The following METTL6 variants were observed in gnomAD, a reference collection of about 807,000 sequenced individuals.
METTL6 encodes the protein methyltransferase 6, tRNA N3-cytidine.
In METTL6, 22 loss-of-function variants were observed where a neutral mutation model predicts 26.4. The observed-to-expected ratio is 0.83, with a 90% confidence interval of 0.59 to 1.19. METTL6 has a LOEUF of 1.19. Among genes scored for constraint, METTL6 ranks in the 50% most tolerant of loss-of-function variants. The probability of loss-of-function intolerance (pLI) is 0.00; values close to 1 mark genes in which losing one functional copy is unlikely to be tolerated. For missense variants in METTL6, 304 were observed against 324.8 expected, an observed-to-expected ratio of 0.94 and a Z score of 0.49; for synonymous variants, 109 against 116.2, an observed-to-expected ratio of 0.94 and a Z score of 0.40.
exon 7 of METTL6, chr3:15,384,088 C>A (rs1575378198): frequency 5.0e-6 from 2 of 397,562 alleles, no homozygotes; most frequent in African/African-American, 2.2e-5. Context: ...ATACTGAAAA[C>A]AATATCATAC....
exon 7 of METTL6, chr3:15,383,034 G>A (rs1699112427): frequency 6.6e-6 from 1 of 152,120 alleles, no homozygotes; most frequent in South Asian, 2.1e-4. Context: ...TTAGCCAGGG[G>A]GAATACGTTT....
intron 6 of METTL6, among the ~76,000 whole-genome samples, chr3:15,386,421 T>C (rs746203372): frequency 6.6e-6 from 1 of 152,096 alleles, no homozygotes; most frequent in Non-Finnish European, 1.5e-5. Context: ...GAGAGTTTAT[T>C]AAAAAGTTTT....
chr3:15,417,657 A>G (rs922621998), intron 3 of METTL6, among the ~76,000 whole-genome samples: 2 of 152,102 alleles, frequency 1.3e-5, no homozygotes, highest in Non-Finnish European at 2.9e-5. Context: ...GGAATTTTGT[A>G]TATTATATGA....
intron 6 of METTL6, among the ~76,000 whole-genome samples, chr3:15,386,015 A>G (rs1699183785): frequency 1.3e-5 from 2 of 152,224 alleles, no homozygotes; most frequent in African/African-American, 4.8e-5. Flanking sequence ...AAAAGAAACA[A>G]AAGAATGGCT....
Position 15,425,012 on chromosome 3 carries a change from ATCT to A in METTL6, c.300_302del (p.Glu100del), listed in dbSNP as rs2061686560. ...CACAGGCATAGGCAAAGATATTCGG[ATCT>A]TCTTCTAAAAGTGGGAATAAACAGT... On this transcript the variant is annotated inframe_deletion, in exon 3 of 6. Coordinates refer to ENST00000383790, the MANE Select transcript of METTL6 (RefSeq NM_152396.4). 6.8e-6 allele frequency: 11 copies of A among 1,614,200 alleles called. No individual in the cohort carries two copies. The highest frequency in any genetic ancestry group is 8.5e-6 in the Non-Finnish European group (10 of 1,180,030).
At chr3:15,403,925 G>GTA (rs1460533867) in intron 6 of METTL6, among the ~76,000 whole-genome samples, 4 of 152,302 alleles carry the variant, frequency 2.6e-5, no homozygotes, top group South Asian at 4.1e-4. Flanking sequence ...CATGGCATTT[G>GTA]TAAACTGTGA....
intron 3 of METTL6, among the ~76,000 whole-genome samples, chr3:15,421,966 T>A (rs1484450595): frequency 1.3e-5 from 2 of 152,162 alleles, no homozygotes; most frequent in Admixed American, 6.5e-5. Flanking sequence ...AGTCATACTT[T>A]GTTGCCTAGG....
intron 6 of METTL6, among the ~76,000 whole-genome samples, chr3:15,395,285 G>T (rs1273573224): frequency 6.6e-6 from 1 of 152,092 alleles, no homozygotes; most frequent in Non-Finnish European, 1.5e-5. Flanking sequence ...ATCTTTGTTG[G>T]TTTAAAGTTT....
At chr3:15,405,126 A>G (rs138318853), downstream of METTL6, among the ~76,000 whole-genome samples, 641 of 152,330 alleles carry the variant, frequency 4.2e-3, 7 homozygotes, top group African/African-American at 0.015. Flanking sequence ...CCACAAAACC[A>G]TTTGGGGATA....
intron 3 of METTL6, 150 bp downstream of exon 3, chr3:15,424,805 A>G (rs750824083): frequency 5.5e-6 from 5 of 914,740 alleles, no homozygotes; most frequent in Non-Finnish European, 6.8e-6. Flanking sequence ...TGCACTGTAT[A>G]TGTATGTAAG....
At chr3:15,404,664 TTTTA>T (rs111517855) in intron 6 of METTL6, among the ~76,000 whole-genome samples, 1 of 152,036 alleles carries the variant, frequency 6.6e-6, no homozygotes, top group East Asian at 1.9e-4. Context: ...ATTTTTAAAT[TTTTA>T]TTTATTTATT....
chr3:15,406,699 T>C (rs1699811635), downstream of METTL6, among the ~76,000 whole-genome samples: 1 of 134,194 alleles, frequency 7.5e-6, no homozygotes, highest in Admixed American at 7.8e-5. Flanking sequence ...CAGGCTACAG[T>C]GCAATGGCAT....
At chr3:15,421,476 A>T (rs887634513) in intron 3 of METTL6, among the ~76,000 whole-genome samples, 1 of 152,084 alleles carries the variant, frequency 6.6e-6, no homozygotes, top group African/African-American at 2.4e-5. Flanking sequence ...GGGTTTTGTT[A>T]TTTTGAGATA....
intron 3 of METTL6, among the ~76,000 whole-genome samples, chr3:15,423,431 T>G (rs2061649611): frequency 6.6e-6 from 1 of 152,116 alleles, no homozygotes; most frequent in Admixed American, 6.6e-5. Flanking sequence ...GACATAAGTG[T>G]AAGAGGTAGT....
At chr3:15,390,287 G>A (rs1699309377) in intron 6 of METTL6, among the ~76,000 whole-genome samples, 1 of 151,986 alleles carries the variant, frequency 6.6e-6, no homozygotes, top group Non-Finnish European at 1.5e-5. Flanking sequence ...AGTTAGCTGG[G>A]TGTGTTGGTA....
At chr3:15,424,423 T>C (rs1047636135) in intron 3 of METTL6, among the ~76,000 whole-genome samples, 1 of 152,176 alleles carries the variant, frequency 6.6e-6, no homozygotes, top group Admixed American at 6.5e-5. Context: ...AGCACCACCA[T>C]GCCCAGCTAA....
chr3:15,418,900 A>G (rs1189931215), intron 3 of METTL6, among the ~76,000 whole-genome samples: 1 of 152,198 alleles, frequency 6.6e-6, no homozygotes, highest in East Asian at 1.9e-4. Flanking sequence ...AAGGACTCCT[A>G]AACAAGACAT....
Position 15,404,509 on chromosome 3 carries a change from ATTTTTTT to A in METTL6, c.*11+6729_*11+6735del, listed in dbSNP as rs34073251. Among the ~76,000 whole-genome samples, 27 of 133,280 alleles carry A rather than the reference ATTTTTTT, an allele frequency of 2.0e-4. No homozygotes were observed. In the South Asian group the frequency reaches 4.8e-3, roughly 24 times the overall value. 87.4% of individuals were successfully genotyped at this position (133,280 alleles called of 152,430 possible). A position where few individuals can be genotyped will look rare whatever the true frequency, so the allele number is the denominator to read the frequency against. ...AGATGCGCACCATCATGCCCAGCTA[ATTTTTTT>A]TTTTTTTTTTTTTAAGTAGAGACAG... On this transcript the variant is annotated intron_variant, in intron 6 of 6. Coordinates refer to the METTL6 transcript ENST00000443029.
downstream of METTL6, among the ~76,000 whole-genome samples, chr3:15,407,793 T>A (rs934449537): frequency 1.3e-5 from 2 of 152,240 alleles, no homozygotes; most frequent in African/African-American, 4.8e-5. Context: ...AATGCTTTGA[T>A]ACTTGTGTTT....
Sources: allele counts gnomAD v4.1 joint callset (sites outside exome capture counted in the v4.1 genomes callset), GRCh38; gene constraint gnomAD v4.1.1; transcripts MANE v1.5; gene names NCBI Gene and HGNC (gene_info 2026-07-23, HGNC 2026-07-21).